The following PTCHD4 variants were observed in gnomAD, a reference collection of about 807,000 sequenced individuals.
PTCHD4 encodes the protein patched domain containing 4.
In PTCHD4, 33 loss-of-function variants were observed where a neutral mutation model predicts 58.1. The observed-to-expected ratio is 0.57, with a 90% CI of 0.43 to 0.76. PTCHD4 has a LOEUF of 0.76. Ranked by LOEUF, PTCHD4 falls within the 30% of genes least tolerant of loss-of-function variation. PTCHD4 has a pLI of 0.00. For missense variants in PTCHD4, 1,058 were observed against 1,027.1 expected (o/e 1.03, Z -0.41); for synonymous variants, 478 against 409.6 (o/e 1.17, Z -2.02).
intron 4 of PTCHD4, among the ~76,000 whole-genome samples, chr6:47,939,928 C>G (rs542291827): frequency 6.6e-6 from 1 of 152,136 alleles, no homozygotes; most frequent in African/African-American, 2.4e-5. Flanking sequence ...GAACTCCATA[C>G]TTTCCATAAT....
At chr6:47,947,547 G>A (rs1301167650) in intron 4 of PTCHD4, among the ~76,000 whole-genome samples, 1 of 150,672 alleles carries the variant, frequency 6.6e-6, no homozygotes, top group Non-Finnish European at 1.5e-5. Flanking sequence ...ATTCAAAAGA[G>A]TTTTTTTTTC....
At chr6:48,003,650 T>C (rs1768826224) in intron 4 of PTCHD4, among the ~76,000 whole-genome samples, 1 of 152,194 alleles carries the variant, frequency 6.6e-6, no homozygotes, top group South Asian at 2.1e-4. Context: ...AAAAATATCT[T>C]TATAAAGTAT....
intron 1 of PTCHD4, among the ~76,000 whole-genome samples, chr6:48,079,366 A>G (rs747331802): frequency 3.4e-4 from 51 of 152,152 alleles, no homozygotes; most frequent in Non-Finnish European, 6.8e-4. Context: ...TTTCTTGAGC[A>G]AAAGTGGGCA....
Position 47,879,030 on chromosome 6 carries a change from G to A in PTCHD4, c.1805C>T (p.Ala602Val), listed in dbSNP as rs1448214933. Residue 602 changes from alanine to valine, a missense_variant, in exon 5 of 5, where the codon GCT (alanine) becomes GTT (valine). Transcript: ENST00000339488. ...SKAGDESNII[A>V]SRLYLVARTS... ...CCTGGCCACCAGATACAAGCGAGAA[G>A]CAATGATATTGCTTTCATCCCCTGC... 5 of 1,613,502 alleles carry A rather than the reference G, an allele frequency of 3.1e-6. No individual in the cohort carries two copies. The highest frequency in any genetic ancestry group is 4.2e-6 in the Non-Finnish European group (5 of 1,179,752).
rs1763626962 is a variant in PTCHD4, at chr6:47,868,372, G to T, written c.*9931C>A. On this transcript the variant is annotated 3_prime_UTR_variant, in exon 5 of 5. Coordinates refer to ENST00000339488, the MANE Select transcript of PTCHD4 (RefSeq NM_001384253.1). ...TATGGGGCCTTATTATTGTGTAACT[G>T]GCTATATAGGAAAATTCAAGAAAAT... Among the ~76,000 whole-genome samples the T allele has an allele frequency of 6.6e-6, 1 of 151,598 alleles. No homozygotes were observed. The highest frequency in any genetic ancestry group is 6.6e-5 in the Admixed American group (1 of 15,162).
chr6:47,959,988 TA>T (rs1294570327), intron 4 of PTCHD4, among the ~76,000 whole-genome samples: 2 of 151,988 alleles, frequency 1.3e-5, no homozygotes, highest in Non-Finnish European at 2.9e-5. Flanking sequence ...TAGTTGACTT[TA>T]AAAAATATTA....
chr6:47,945,397 C>T (rs12664700), intron 4 of PTCHD4, among the ~76,000 whole-genome samples: 1 of 152,036 alleles, frequency 6.6e-6, no homozygotes, highest in South Asian at 2.1e-4. Flanking sequence ...CCTAACCAGC[C>T]TAAGAAATAC....
At chr6:47,902,994 G>T (rs1231953489) in intron 4 of PTCHD4, among the ~76,000 whole-genome samples, 2 of 152,118 alleles carry the variant, frequency 1.3e-5, no homozygotes, top group Admixed American at 1.3e-4. Context: ...TCAAATTTTC[G>T]TGTGTGCATT....
intron 4 of PTCHD4, among the ~76,000 whole-genome samples, chr6:47,929,542 TA>T (rs1239402083): frequency 4.6e-5 from 7 of 152,180 alleles, no homozygotes; most frequent in African/African-American, 1.7e-4. Flanking sequence ...TTGCAGTAGG[TA>T]AAAAAGTTGT....
chr6:48,021,802 G>T (rs574875747), intron 3 of PTCHD4, among the ~76,000 whole-genome samples: 2 of 152,190 alleles, frequency 1.3e-5, no homozygotes, highest in Admixed American at 6.5e-5. Context: ...TATTCTCAAA[G>T]AAACGTCTTC....
intron 3 of PTCHD4, among the ~76,000 whole-genome samples, chr6:48,049,368 A>AG (rs1268925215): frequency 6.6e-6 from 1 of 151,874 alleles, no homozygotes; most frequent in East Asian, 1.9e-4. Context: ...GAAATACTTG[A>AG]GGGTCCTACA....
At chr6:48,026,180 A>G (rs1763238976) in intron 3 of PTCHD4, among the ~76,000 whole-genome samples, 1 of 152,150 alleles carries the variant, frequency 6.6e-6, no homozygotes, top group African/African-American at 2.4e-5. Flanking sequence ...TGGGCTGGAA[A>G]GTGTTCATGG....
rs1316692612 is a variant in PTCHD4 at position 47,858,782 on chromosome 6, A to C, written c.*19521T>G. On this transcript the variant is annotated 3_prime_UTR_variant, in exon 5 of 5. Transcript: ENST00000339488. ...AGTTCCATACAAATGAAAATTTAGA[A>C]GGTGAGAAATTTCTATCAGAAAGGA... Among the ~76,000 whole-genome samples the C allele has an allele frequency of 1.3e-5, 2 of 152,070 alleles. No individual in the cohort carries two copies. Among genetic ancestry groups the C allele is most frequent in the Non-Finnish European group, 2.9e-5 (2 of 67,978 alleles).
chr6:47,959,648 A>T (rs1395162193), intron 4 of PTCHD4, among the ~76,000 whole-genome samples: 1 of 152,148 alleles, frequency 6.6e-6, no homozygotes, highest in East Asian at 1.9e-4. Context: ...AGAGACAATC[A>T]TAGGAGCAGC....
intron 4 of PTCHD4, among the ~76,000 whole-genome samples, chr6:47,993,592 C>T (rs1298171359): frequency 1.3e-5 from 2 of 152,176 alleles, no homozygotes; most frequent in Non-Finnish European, 2.9e-5. Flanking sequence ...TATTCAAAGT[C>T]AGGTGGACAA....
chr6:48,004,456 C>A (rs966398344), intron 4 of PTCHD4, among the ~76,000 whole-genome samples: 1 of 152,076 alleles, frequency 6.6e-6, no homozygotes, highest in African/African-American at 2.4e-5. Context: ...TAATATTAGC[C>A]CATATTTCTT....
chr6:47,859,666 T>C lies in PTCHD4; in HGVS notation c.*18637A>G, dbSNP rs1763375772. Among the ~76,000 whole-genome samples, 1 of 152,128 alleles carries C rather than the reference T, an allele frequency of 6.6e-6. No homozygotes were observed. Among genetic ancestry groups the C allele is most frequent in the Admixed American group, 6.6e-5 (1 of 15,256 alleles). ...AAATATCTCTGCCCCCTTAGAGCTT[T>C]CAATTTACTGGGGACAGACAGACAA... On this transcript the variant is annotated 3_prime_UTR_variant, in exon 5 of 5. Coordinates refer to ENST00000339488, the MANE Select transcript of PTCHD4 (RefSeq NM_001384253.1).
chr6:47,912,024 G>C (rs747436768), intron 4 of PTCHD4, among the ~76,000 whole-genome samples: 3 of 152,080 alleles, frequency 2.0e-5, no homozygotes, highest in Non-Finnish European at 2.9e-5. Flanking sequence ...AGTGACACAA[G>C]TGTTTCAAGT....
intron 4 of PTCHD4, among the ~76,000 whole-genome samples, chr6:47,974,386 G>A (rs1219212562): frequency 3.9e-5 from 6 of 152,196 alleles, no homozygotes; most frequent in Admixed American, 3.9e-4. Context: ...AGAGCTAGAA[G>A]TGTTTTAAGA....
Sources: allele counts gnomAD v4.1 joint callset (sites outside exome capture counted in the v4.1 genomes callset), GRCh38; gene constraint gnomAD v4.1.1; transcripts MANE v1.5; gene names NCBI Gene and HGNC (gene_info 2026-07-23, HGNC 2026-07-21).